MET: variants seen among roughly 807,000 people sequenced by gnomAD.
MET encodes the protein MET proto-oncogene, receptor tyrosine kinase.
MET carries 48 observed loss-of-function variants against 133.1 expected under a neutral mutation model. The ratio of observed to expected loss-of-function variants is 0.36; its 90% CI spans 0.29 to 0.46. The LOEUF (loss-of-function observed/expected upper bound fraction) is 0.46. Among genes scored for constraint, MET ranks in the 20% least tolerant of loss-of-function variants. MET has a pLI of 1.00. For synonymous variants in MET, 628 were observed against 616.5 expected (o/e 1.02, Z -0.28); for missense variants, 1,442 against 1,695.9 (o/e 0.85, Z 2.63).
chr7:116,744,237 C>T (rs904463381), intron 5 of MET, among the ~76,000 whole-genome samples: 4 of 151,880 alleles, frequency 2.6e-5, no homozygotes, highest in African/African-American at 9.7e-5. Flanking sequence ...ATAACAAACT[C>T]CTCCAAGCTA....
chr7:116,725,231 C>A (rs1346914646), intron 2 of MET, among the ~76,000 whole-genome samples: 1 of 152,070 alleles, frequency 6.6e-6, no homozygotes, highest in African/African-American at 2.4e-5. Flanking sequence ...TCATAACAAA[C>A]CCAAGTCACA....
chr7:116,728,035 C>T (rs1792858988), intron 2 of MET, among the ~76,000 whole-genome samples: 1 of 152,142 alleles, frequency 6.6e-6, no homozygotes, highest in African/African-American at 2.4e-5. Context: ...CAGGATTCTC[C>T]ATAGGAAGAC....
intron 12 of MET, among the ~76,000 whole-genome samples, chr7:116,771,015 T>C (rs1320900784): frequency 6.6e-6 from 1 of 152,194 alleles, no homozygotes; most frequent in Non-Finnish European, 1.5e-5. Context: ...GTATCAAAAC[T>C]GAAGTAAAAA....
At chr7:116,680,237 CT>C (rs1465027918) in intron 1 of MET, among the ~76,000 whole-genome samples, 2 of 152,110 alleles carry the variant, frequency 1.3e-5, no homozygotes, top group Non-Finnish European at 2.9e-5. Flanking sequence ...ATTTATACAG[CT>C]TTGTTTAGAC....
intron 10 of MET, among the ~76,000 whole-genome samples, chr7:116,759,956 T>C (rs1284355125): frequency 6.6e-6 from 1 of 152,172 alleles, no homozygotes; most frequent in African/African-American, 2.4e-5. Context: ...TTGTATTTTT[T>C]GGTAGAGACG....
intron 5 of MET, among the ~76,000 whole-genome samples, chr7:116,755,010 A>AAG (rs1413659885): frequency 4.0e-5 from 6 of 150,566 alleles, no homozygotes; most frequent in Non-Finnish European, 8.9e-5. Flanking sequence ...GAAAGAAAGA[A>AAG]AGAAAGAAAG....
At chr7:116,716,477 GA>G (rs549471394) in intron 2 of MET, among the ~76,000 whole-genome samples, 5 of 99,804 alleles carry the variant, frequency 5.0e-5, no homozygotes, top group African/African-American at 8.9e-5. Context: ...GAGAAAGAAA[GA>G]AAGAAAGAAA....
chr7:116,784,326 T>G (rs1795245669), intron 19 of MET, among the ~76,000 whole-genome samples: 2 of 152,214 alleles, frequency 1.3e-5, no homozygotes, highest in South Asian at 4.1e-4. Flanking sequence ...AACAAAAAAG[T>G]AATCAGATTA....
At chr7:116,749,258 C>T (rs1209786998) in intron 5 of MET, among the ~76,000 whole-genome samples, 2 of 152,204 alleles carry the variant, frequency 1.3e-5, no homozygotes, top group Non-Finnish European at 2.9e-5. Context: ...AGCTTATCCA[C>T]CACAATCAAG....
At chr7:116,713,394 CA>C (rs749848531) in intron 2 of MET, among the ~76,000 whole-genome samples, 5,178 of 77,486 alleles carry the variant, frequency 0.067, 255 homozygotes, top group African/African-American at 0.18. Context: ...GACTCCGTCT[CA>C]AAAAAAAAAA....
At chr7:116,739,826 G>A (rs1793373485) in intron 3 of MET, 124 bp from the exon 4 acceptor site, 15 of 1,324,836 alleles carry the variant, frequency 1.1e-5, no homozygotes, top group African/African-American at 2.9e-5. Context: ...GGGAACTGTT[G>A]GGTCTTCAGT....
chr7:116,721,773 G>A (rs2116715237), intron 2 of MET, among the ~76,000 whole-genome samples: 1 of 152,236 alleles, frequency 6.6e-6, no homozygotes, highest in Middle Eastern at 3.4e-3. Context: ...AGGTTGTTCA[G>A]TTTCCATGTA....
intron 17 of MET, among the ~76,000 whole-genome samples, chr7:116,779,407 C>T (rs1216061305): frequency 6.6e-6 from 1 of 152,210 alleles, no homozygotes; most frequent in Non-Finnish European, 1.5e-5. Context: ...GCTCCCTCAG[C>T]CTGGAACACT....
chr7:116,755,317 T>C, intron 5 of MET, 38 bp from the exon 6 acceptor site: 1 of 1,607,154 alleles, frequency 6.2e-7, no homozygotes, highest in South Asian at 1.1e-5. Flanking sequence ...AATTATAATA[T>C]ATTGGGTTTT....
intron 1 of MET, among the ~76,000 whole-genome samples, chr7:116,675,746 C>G (rs988029193): frequency 6.9e-6 from 1 of 143,898 alleles, no homozygotes; most frequent in African/African-American, 2.8e-5. Context: ...TTCTCCAGTT[C>G]TCTCTCTCTT....
chr7:116,766,847 C>A (rs1794644854), intron 11 of MET, among the ~76,000 whole-genome samples: 1 of 152,090 alleles, frequency 6.6e-6, no homozygotes, highest in Non-Finnish European at 1.5e-5. Flanking sequence ...CCCCAACTAG[C>A]CAGCAAAGCC....
intron 5 of MET, 188 bp downstream of exon 5, chr7:116,741,213 C>T (rs922751954): frequency 1.9e-5 from 13 of 677,034 alleles, no homozygotes; most frequent in African/African-American, 7.3e-5. Flanking sequence ...CTTTATCCCT[C>T]GGGCAGGGAG....
In MET at chr7:116,699,515, A is replaced by G; in HGVS notation, c.431A>G (p.His144Arg). The G allele has an allele frequency of 6.2e-7, 1 of 1,613,994 alleles. No individual in the cohort carries two copies. Among genetic ancestry groups the G allele is most frequent in the Non-Finnish European group, 8.5e-7 (1 of 1,179,950 alleles). ...GTCAACAGAGGGACCTGCCAGCGACATGTCTTTCCCCACAATCATACTGCT... is the reference window on the plus strand; with the variant it reads ...GTCAACAGAGGGACCTGCCAGCGACGTGTCTTTCCCCACAATCATACTGCT... ...GSVNRGTCQR[H>R]VFPHNHTADI... Residue 144 changes from histidine (H) to arginine (R), a missense_variant, in exon 2 of 21, where the codon CAT becomes CGT. Transcript: ENST00000397752.
intron 2 of MET, 151 bp downstream of exon 2, chr7:116,700,435 T>C: frequency 2.5e-6 from 2 of 799,148 alleles, no homozygotes; most frequent in East Asian, 2.8e-5. Context: ...AATTGAGGAA[T>C]TGAATCTTCA....
Sources: gnomAD v4.1 joint callset for allele counts (sites outside exome capture counted in the v4.1 genomes callset) on GRCh38, gnomAD v4.1.1 for gene constraint, MANE v1.5 for transcripts, NCBI Gene and HGNC (gene_info 2026-07-23, HGNC 2026-07-21) for gene names.